ETV6: variants seen among roughly 807,000 people sequenced by gnomAD.
ETV6 encodes ETS variant transcription factor 6.
A neutral mutation model predicts 51.1 loss-of-function variants in ETV6; 16 were observed. That is an observed-to-expected ratio of 0.31 (90% CI 0.21 to 0.48). The LOEUF (loss-of-function observed/expected upper bound fraction) is 0.48. Ranked by LOEUF, ETV6 falls within the 20% of genes least tolerant of loss-of-function variation. ETV6 has a pLI of 0.99. For missense variants in ETV6, 458 were observed against 594.8 expected (o/e 0.77, Z 2.39); for synonymous variants, 240 against 224.1 (o/e 1.07, Z -0.64).
At chr12:11,722,976 C>G (rs931699507) in intron 1 of ETV6, among the ~76,000 whole-genome samples, 12 of 152,154 alleles carry the variant, frequency 7.9e-5, no homozygotes, top group African/African-American at 2.4e-4. Context: ...GAGAAGTTCC[C>G]GGTTCCAGGG....
chr12:11,716,330 C>CAAAAAAAAA (rs3049068), intron 1 of ETV6, among the ~76,000 whole-genome samples: 5 of 58,116 alleles, frequency 8.6e-5, no homozygotes, highest in African/African-American at 3.1e-4. Context: ...GACTCCTTCT[C>CAAAAAAAAA]AAAAAAAAAA....
intron 1 of ETV6, among the ~76,000 whole-genome samples, chr12:11,691,632 C>T (rs1479771533): frequency 6.6e-6 from 1 of 152,188 alleles, no homozygotes; most frequent in East Asian, 1.9e-4. Context: ...TACTTAACGT[C>T]TCGACTGCCA....
chr12:11,682,674 T>C (rs1864553415), intron 1 of ETV6, among the ~76,000 whole-genome samples: 1 of 152,248 alleles, frequency 6.6e-6, no homozygotes, highest in African/African-American at 2.4e-5. Context: ...CTAGGTTTTC[T>C]TCAAGGGTTT....
rs1448139068 is a variant in ETV6, at chr12:11,876,736, T to C, written c.1009+6767T>C. Among the ~76,000 whole-genome samples, 4 of 152,194 alleles carry C rather than the reference T, an allele frequency of 2.6e-5. 1 individual carries two copies. The highest frequency in any genetic ancestry group is 1.5e-5 in the Non-Finnish European group (1 of 68,022). ...AATAGAGAATATCTCCTTTCTTGTG[T>C]TTCTCTCACAACTTTTGCTGAAGTC... is the stretch of plus-strand genomic sequence containing the variant. On this transcript the variant is annotated intron_variant, in intron 5 of 7. Transcript: ENST00000396373.
intron 3 of ETV6, among the ~76,000 whole-genome samples, chr12:11,848,168 G>A (rs1946491929): frequency 6.6e-6 from 1 of 152,200 alleles, no homozygotes; most frequent in African/African-American, 2.4e-5. Flanking sequence ...TGGGGCTGGT[G>A]CTCTGCACGT....
Position 11,675,792 on chromosome 12 carries a change from C to T in ETV6, c.33+25632C>T, listed in dbSNP as rs567430382. Among the ~76,000 whole-genome samples the T allele has an allele frequency of 1.3e-3, 196 of 151,080 alleles. 2 individuals carry two copies. The highest frequency in any genetic ancestry group is 4.6e-3 in the African/African-American group (189 of 41,066). On this transcript the variant is annotated intron_variant, in intron 1 of 7. Transcript: ENST00000396373. ...TCATGCCACTGTACTTCACGCTGGGCAACAGAGTGAGACCTCTGTCTCTAA... is the reference window on the plus strand; with the variant it reads ...TCATGCCACTGTACTTCACGCTGGGTAACAGAGTGAGACCTCTGTCTCTAA...
At chr12:11,715,603 C>A (rs11054429) in intron 1 of ETV6, among the ~76,000 whole-genome samples, 29 of 152,258 alleles carry the variant, frequency 1.9e-4, no homozygotes, top group African/African-American at 5.3e-4. Flanking sequence ...CTCCTCTGCC[C>A]TGCTGCTTTC....
At chr12:11,870,528 T>C (rs1315589308) in intron 5 of ETV6, among the ~76,000 whole-genome samples, 4 of 152,136 alleles carry the variant, frequency 2.6e-5, no homozygotes, top group African/African-American at 7.2e-5. Flanking sequence ...CCAAATTTGC[T>C]TACTTAAGGG....
intron 2 of ETV6, among the ~76,000 whole-genome samples, chr12:11,788,762 T>G (rs1338548761): frequency 1.3e-4 from 19 of 151,634 alleles, no homozygotes; most frequent in African/African-American, 3.6e-4. Context: ...ATTGGTTTTT[T>G]TTTTTTTTTT....
At chr12:11,799,691 A>C (rs1945720445) in intron 2 of ETV6, among the ~76,000 whole-genome samples, 1 of 152,218 alleles carries the variant, frequency 6.6e-6, no homozygotes, top group South Asian at 2.1e-4. Flanking sequence ...TTAATACCTC[A>C]TACTCCCCTT....
At chr12:11,777,201 C>T (rs905711407) in intron 2 of ETV6, among the ~76,000 whole-genome samples, 9 of 136,506 alleles carry the variant, frequency 6.6e-5, no homozygotes, top group African/African-American at 1.1e-4. Flanking sequence ...GATAGCGCCA[C>T]TGCACTCCAG....
At chr12:11,688,951 G>A (rs2120781636) in intron 1 of ETV6, among the ~76,000 whole-genome samples, 2 of 152,312 alleles carry the variant, frequency 1.3e-5, no homozygotes, top group Middle Eastern at 6.8e-3. Flanking sequence ...AAGAAGCAAA[G>A]CAAGCTTCAC....
chr12:11,672,965 T>C (rs1002833530), intron 1 of ETV6, among the ~76,000 whole-genome samples: 13 of 152,214 alleles, frequency 8.5e-5, no homozygotes, highest in African/African-American at 3.1e-4. Context: ...AGGCTGCCTG[T>C]TGGAGAAAAC....
At chr12:11,727,561 G>T (rs1321877446) in intron 1 of ETV6, among the ~76,000 whole-genome samples, 3 of 152,202 alleles carry the variant, frequency 2.0e-5, no homozygotes, top group Non-Finnish European at 4.4e-5. Context: ...TAAGACCTAA[G>T]AAAACAGACC....
At chr12:11,850,039 T>C (rs934727026) in intron 3 of ETV6, among the ~76,000 whole-genome samples, 2 of 152,202 alleles carry the variant, frequency 1.3e-5, no homozygotes, top group Non-Finnish European at 2.9e-5. Context: ...GTCTTAGAAC[T>C]AAGTTTTTTC....
At chr12:11,765,131 AC>A (rs1945144758) in intron 2 of ETV6, among the ~76,000 whole-genome samples, 2 of 152,190 alleles carry the variant, frequency 1.3e-5, no homozygotes, top group African/African-American at 4.8e-5. Flanking sequence ...ATTTAAAGCT[AC>A]CCCACAGAAA....
chr12:11,872,006 C>T (rs1050498418), intron 5 of ETV6, among the ~76,000 whole-genome samples: 6 of 152,188 alleles, frequency 3.9e-5, no homozygotes, highest in Admixed American at 1.3e-4. Context: ...TCGTGCTTTC[C>T]AGGCAATACC....
chr12:11,705,129 A>C (rs1865050821), intron 1 of ETV6, among the ~76,000 whole-genome samples: 1 of 152,214 alleles, frequency 6.6e-6, no homozygotes, highest in South Asian at 2.1e-4. Flanking sequence ...GCAAAGACTA[A>C]AGTTAACAAG....
intron 2 of ETV6, among the ~76,000 whole-genome samples, chr12:11,827,005 G>A (rs966696702): frequency 1.3e-5 from 2 of 151,364 alleles, no homozygotes; most frequent in Non-Finnish European, 2.9e-5. Context: ...AGCCATTTCC[G>A]TATGAATGTC....
Sources: gnomAD v4.1 joint callset for allele counts (sites outside exome capture counted in the v4.1 genomes callset) on GRCh38, gnomAD v4.1.1 for gene constraint, MANE v1.5 for transcripts, NCBI Gene and HGNC (gene_info 2026-07-23, HGNC 2026-07-21) for gene names.